SH3RF2: variants seen among roughly 807,000 people sequenced by gnomAD.
SH3RF2 encodes the protein E3 ubiquitin-protein ligase SH3RF2.
Under a neutral mutation model 59.0 loss-of-function variants are expected in SH3RF2, and 43 were observed. That is an observed-to-expected ratio of 0.73 (90% CI 0.57 to 0.94). The LOEUF (loss-of-function observed/expected upper bound fraction) is 0.94. Among genes scored for constraint, SH3RF2 ranks in the 40% least tolerant of loss-of-function variants. SH3RF2 has a pLI of 0.00. For synonymous variants in SH3RF2, 391 were observed against 391.5 expected, an observed-to-expected ratio of 1.00 and a Z score of 0.01; for missense variants, 930 against 940.1, an observed-to-expected ratio of 0.99 and a Z score of 0.14.
intron 6 of SH3RF2, among the ~76,000 whole-genome samples, chr5:146,048,828 TG>T (rs1306678409): frequency 1.3e-5 from 2 of 152,172 alleles, no homozygotes; most frequent in African/African-American, 4.8e-5. Context: ...GCTAATTTTT[TG>T]TATTTTTAGT....
chr5:146,076,663 A>G (rs1296372099), intron 9 of SH3RF2, among the ~76,000 whole-genome samples: 1 of 152,200 alleles, frequency 6.6e-6, no homozygotes, highest in Admixed American at 6.5e-5. Flanking sequence ...TGAATGGAGC[A>G]CATTAGCTAA....
At chr5:145,970,772 A>C (rs1348414035) in intron 2 of SH3RF2, among the ~76,000 whole-genome samples, 2 of 151,932 alleles carry the variant, frequency 1.3e-5, no homozygotes, top group African/African-American at 2.4e-5. Flanking sequence ...AAGACACTGA[A>C]AACTACATGA....
At chr5:146,056,570 G>C (rs1336500769) in intron 8 of SH3RF2, among the ~76,000 whole-genome samples, 1 of 152,176 alleles carries the variant, frequency 6.6e-6, no homozygotes, top group Non-Finnish European at 1.5e-5. Flanking sequence ...TCCCTCAGCG[G>C]GTGCCACAGG....
At chr5:146,068,345 T>A (rs947644090) in intron 9 of SH3RF2, among the ~76,000 whole-genome samples, 2 of 152,156 alleles carry the variant, frequency 1.3e-5, no homozygotes, top group Non-Finnish European at 2.9e-5. Context: ...AACGGCAAAG[T>A]CCTATCAAGT....
At chr5:146,025,867 A>G (rs248776) in intron 5 of SH3RF2, among the ~76,000 whole-genome samples, 46,672 of 152,136 alleles carry the variant, frequency 0.31, 8,165 homozygotes, top group Non-Finnish European at 0.39. Flanking sequence ...TAACCCCAAT[A>G]AGCCTCAGTG....
intron 3 of SH3RF2, 34 bp downstream of exon 3, chr5:146,000,361 G>C: frequency 6.2e-7 from 1 of 1,601,692 alleles, no homozygotes; most frequent in South Asian, 1.1e-5. Flanking sequence ...AGTCACCTGG[G>C]ACCACGTAGA....
At chr5:146,071,416 T>C (rs1181059573) in intron 9 of SH3RF2, among the ~76,000 whole-genome samples, 5 of 152,230 alleles carry the variant, frequency 3.3e-5, no homozygotes, top group African/African-American at 4.8e-5. Flanking sequence ...GAAGGGGTGA[T>C]ACTGTTTTGA....
intron 2 of SH3RF2, among the ~76,000 whole-genome samples, chr5:145,999,193 T>C (rs1760291880): frequency 6.6e-6 from 1 of 152,148 alleles, no homozygotes; most frequent in Admixed American, 6.5e-5. Flanking sequence ...CTTCAAACTT[T>C]TTTTCTGCAG....
At chr5:145,950,783 C>G (rs2149945826) in intron 2 of SH3RF2, among the ~76,000 whole-genome samples, 1 of 152,204 alleles carries the variant, frequency 6.6e-6, no homozygotes, top group Non-Finnish European at 1.5e-5. Context: ...AGATTCAGGA[C>G]AAAATATATT....
chr5:145,978,143 C>T (rs775638508), intron 2 of SH3RF2, among the ~76,000 whole-genome samples: 35 of 152,114 alleles, frequency 2.3e-4, no homozygotes, highest in Admixed American at 1.6e-3. Context: ...ACTGGGATTC[C>T]GATTATCTGC....
intron 2 of SH3RF2, among the ~76,000 whole-genome samples, chr5:145,980,388 G>A (rs865895490): frequency 1.1e-4 from 16 of 152,052 alleles, no homozygotes; most frequent in Admixed American, 1.3e-4. Flanking sequence ...TTTTTAACCT[G>A]AGACTAGATC....
At chr5:146,069,413 C>A (rs1268247998) in intron 9 of SH3RF2, among the ~76,000 whole-genome samples, 1 of 152,106 alleles carries the variant, frequency 6.6e-6, no homozygotes, top group Non-Finnish European at 1.5e-5. Context: ...ACTCTCTGGG[C>A]CTTGCCTGGG....
At chr5:145,993,404 C>G (rs1474923294) in intron 2 of SH3RF2, among the ~76,000 whole-genome samples, 1 of 152,196 alleles carries the variant, frequency 6.6e-6, no homozygotes, top group Non-Finnish European at 1.5e-5. Flanking sequence ...TGTGGGGGGG[C>G]TCTGACCTCA....
chr5:145,947,290 A>G (rs1165897086), intron 2 of SH3RF2, among the ~76,000 whole-genome samples: 1 of 152,186 alleles, frequency 6.6e-6, no homozygotes, highest in East Asian at 1.9e-4. Context: ...ATCTGATGAT[A>G]CAAGTAAACA....
intron 3 of SH3RF2, 125 bp downstream of exon 3, chr5:146,000,452 A>G (rs538172658): frequency 2.7e-6 from 2 of 736,416 alleles, no homozygotes; most frequent in Non-Finnish European, 3.6e-6. Context: ...ATTATTGTTA[A>G]TATTTTATTC....
chr5:146,045,022 A>T (rs1471111326), intron 5 of SH3RF2, among the ~76,000 whole-genome samples: 1 of 152,326 alleles, frequency 6.6e-6, no homozygotes, highest in African/African-American at 2.4e-5. Context: ...CTAAAGGATT[A>T]ATGGTGTTTG....
chr5:146,018,520 A>C (rs1561745151), intron 5 of SH3RF2, among the ~76,000 whole-genome samples: 1 of 147,546 alleles, frequency 6.8e-6, no homozygotes, highest in East Asian at 2.1e-4. Context: ...ACACCCACAC[A>C]CACACACACC....
chr5:146,074,841 C>A (rs1415134721), intron 9 of SH3RF2, among the ~76,000 whole-genome samples: 3 of 152,046 alleles, frequency 2.0e-5, no homozygotes, highest in African/African-American at 7.2e-5. Context: ...TCTGGCACAG[C>A]ATTTCAAAGC....
chr5:146,043,417 T>C (rs2150011587), intron 5 of SH3RF2, among the ~76,000 whole-genome samples: 1 of 151,678 alleles, frequency 6.6e-6, no homozygotes, highest in Admixed American at 6.5e-5. Flanking sequence ...AGCTAAGGCC[T>C]CTTGGATGTT....
Sources: allele counts gnomAD v4.1 joint callset (sites outside exome capture counted in the v4.1 genomes callset), GRCh38; gene constraint gnomAD v4.1.1; transcripts MANE v1.5; gene names NCBI Gene and HGNC (gene_info 2026-07-23, HGNC 2026-07-21).